Variants in CAP2 observed in about 807,000 individuals in gnomAD.
CAP2 encodes the protein cyclase associated actin cytoskeleton regulatory protein 2, also known as adenylyl cyclase-associated protein 2.
CAP2 carries 24 observed loss-of-function variants against 57.7 expected under a neutral mutation model. The observed-to-expected ratio is 0.42, with a 90% CI of 0.30 to 0.58. The LOEUF is 0.58. Ranked by LOEUF, CAP2 falls within the 20% of genes least tolerant of loss-of-function variation. CAP2 has a pLI of 0.22. For missense variants in CAP2, 501 were observed against 590.3 expected, an observed-to-expected ratio of 0.85 and a Z score of 1.57; for synonymous variants, 194 against 207.2, an observed-to-expected ratio of 0.94 and a Z score of 0.55.
intron 1 of CAP2, among the ~76,000 whole-genome samples, chr6:17,396,829 T>G (rs1308675931): frequency 6.6e-6 from 1 of 152,182 alleles, no homozygotes; most frequent in Non-Finnish European, 1.5e-5. Flanking sequence ...TACATCTCAA[T>G]AAAATTGTTA....
intron 3 of CAP2, among the ~76,000 whole-genome samples, chr6:17,439,977 T>C (rs1760025699): frequency 6.6e-6 from 1 of 151,568 alleles, no homozygotes; most frequent in South Asian, 2.1e-4. Flanking sequence ...CCCCCATAGG[T>C]CTTCCTATCC....
intron 4 of CAP2, among the ~76,000 whole-genome samples, chr6:17,506,561 A>G (rs1761989831): frequency 6.6e-6 from 1 of 151,564 alleles, no homozygotes; most frequent in Admixed American, 6.6e-5. Flanking sequence ...AATTGCTTGA[A>G]CCTGGGAGGC....
At chr6:17,501,764 T>C (rs537275610) in intron 4 of CAP2, among the ~76,000 whole-genome samples, 9 of 152,312 alleles carry the variant, frequency 5.9e-5, no homozygotes, top group African/African-American at 1.9e-4. Flanking sequence ...CAGGACTCAG[T>C]TCTTCAACTT....
At chr6:17,429,071 C>G (rs761520775) in intron 3 of CAP2, among the ~76,000 whole-genome samples, 10 of 152,210 alleles carry the variant, frequency 6.6e-5, no homozygotes, top group Non-Finnish European at 1.0e-4. Context: ...GATGCATCCA[C>G]GTCAAATGTA....
intron 4 of CAP2, among the ~76,000 whole-genome samples, chr6:17,479,805 T>C (rs978843262): frequency 1.3e-5 from 2 of 151,598 alleles, no homozygotes; most frequent in Non-Finnish European, 2.9e-5. Context: ...TTAGTAGACA[T>C]GGGGTTTCAC....
chr6:17,399,295 T>C (rs2113497328), intron 1 of CAP2, among the ~76,000 whole-genome samples: 1 of 152,266 alleles, frequency 6.6e-6, no homozygotes, highest in African/African-American at 2.4e-5. Context: ...ACTCCTGACC[T>C]CAGGTAATGC....
intron 1 of CAP2, among the ~76,000 whole-genome samples, chr6:17,399,161 TC>T (rs1478090653): frequency 2.0e-5 from 3 of 152,244 alleles, no homozygotes; most frequent in Non-Finnish European, 1.5e-5. Flanking sequence ...CCTCCCAGGT[TC>T]AAGTGATTCT....
intron 3 of CAP2, among the ~76,000 whole-genome samples, chr6:17,436,608 A>AG (rs1358161609): frequency 6.6e-6 from 1 of 152,158 alleles, no homozygotes; most frequent in Non-Finnish European, 1.5e-5. Flanking sequence ...TTCCGCAGAG[A>AG]GACACGGCCA....
At chr6:17,551,100 G>C (rs567593116) in intron 11 of CAP2, among the ~76,000 whole-genome samples, 1 of 152,320 alleles carries the variant, frequency 6.6e-6, no homozygotes, top group East Asian at 1.9e-4. Flanking sequence ...AAATGAATAT[G>C]AATGCATCTT....
intron 4 of CAP2, among the ~76,000 whole-genome samples, chr6:17,479,123 C>G (rs955453394): frequency 6.6e-6 from 1 of 152,286 alleles, no homozygotes; most frequent in East Asian, 1.9e-4. Flanking sequence ...CTGTACGTCT[C>G]CAGCTGAAGG....
intron 1 of CAP2, among the ~76,000 whole-genome samples, chr6:17,396,027 A>T (rs1758655679): frequency 6.6e-6 from 1 of 152,208 alleles, no homozygotes; most frequent in Non-Finnish European, 1.5e-5. Flanking sequence ...AAGATATACA[A>T]ATGGCCAATA....
Position 17,500,358 on chromosome 6 carries a change from TATATATA to T in CAP2, c.301-6810_301-6804del, listed in dbSNP as rs1761780913. Among the ~76,000 whole-genome samples, 5 of 91,274 alleles carry T rather than the reference TATATATA, an allele frequency of 5.5e-5. 1 individual carries two copies. Among genetic ancestry groups the T allele is most frequent in the African/African-American group, 2.4e-4 (5 of 21,154 alleles). 59.9% of individuals were successfully genotyped at this position (91,274 alleles called of 152,430 possible). A position where few individuals can be genotyped will look rare whatever the true frequency, so the allele number is the denominator to read the frequency against. The stretch of plus-strand genomic sequence containing the variant: ...GTGTCCAAATATATATATATATATA[TATATATA>T]TATATATATATATATATATTTGGAG... On this transcript the variant is annotated intron_variant, in intron 4 of 12. Coordinates refer to ENST00000229922, the MANE Select transcript of CAP2 (RefSeq NM_006366.3).
intron 6 of CAP2, among the ~76,000 whole-genome samples, chr6:17,508,870 G>A (rs1277960304): frequency 6.6e-6 from 1 of 151,334 alleles, no homozygotes; most frequent in Non-Finnish European, 1.5e-5. Flanking sequence ...CGATTCTCCT[G>A]CCTCAGCCTC....
intron 3 of CAP2, among the ~76,000 whole-genome samples, chr6:17,445,924 A>G (rs919331371): frequency 2.0e-5 from 3 of 152,254 alleles, no homozygotes; most frequent in African/African-American, 4.8e-5. Context: ...GTACCATGAG[A>G]TAAGTACAGA....
At chr6:17,532,090 C>T (rs1762656964) in intron 7 of CAP2, among the ~76,000 whole-genome samples, 1 of 150,208 alleles carries the variant, frequency 6.7e-6, no homozygotes, top group African/African-American at 2.4e-5. Context: ...TTAGATTCTA[C>T]TCAAACCAAA....
At chr6:17,483,626 G>C (rs1448315200) in intron 4 of CAP2, among the ~76,000 whole-genome samples, 3 of 152,190 alleles carry the variant, frequency 2.0e-5, no homozygotes, top group African/African-American at 7.2e-5. Flanking sequence ...TAAAGGAAAG[G>C]TATGAAAGAC....
intron 3 of CAP2, among the ~76,000 whole-genome samples, chr6:17,433,146 C>T (rs937616418): frequency 6.6e-6 from 1 of 152,098 alleles, no homozygotes; most frequent in African/African-American, 2.4e-5. Flanking sequence ...TGGCAGGCAC[C>T]TACTTTAACC....
chr6:17,486,422 G>A (rs1187551481), intron 4 of CAP2, among the ~76,000 whole-genome samples: 1 of 150,940 alleles, frequency 6.6e-6, no homozygotes, highest in Non-Finnish European at 1.5e-5. Flanking sequence ...TGGGCAACAC[G>A]ACAAAACCCT....
chr6:17,425,765 CAG>C (rs1759572365), intron 2 of CAP2, among the ~76,000 whole-genome samples: 1 of 152,068 alleles, frequency 6.6e-6, no homozygotes, highest in Admixed American at 6.6e-5. Flanking sequence ...AATAGGAAAA[CAG>C]TGTTTTCCTG....
Sources: allele counts gnomAD v4.1 joint callset (sites outside exome capture counted in the v4.1 genomes callset), GRCh38; gene constraint gnomAD v4.1.1; transcripts MANE v1.5; gene names NCBI Gene and HGNC (gene_info 2026-07-23, HGNC 2026-07-21).